The following PDE1C variants were observed in gnomAD, a reference collection of about 807,000 sequenced individuals.
PDE1C encodes phosphodiesterase 1C.
In PDE1C, 62 loss-of-function variants were observed where a neutral mutation model predicts 93.1. The ratio of observed to expected loss-of-function variants is 0.67; its 90% CI spans 0.54 to 0.82. PDE1C has a LOEUF of 0.82. Among genes scored for constraint, PDE1C ranks in the 40% least tolerant of loss-of-function variants. The probability of loss-of-function intolerance (pLI) is 0.00; values close to 1 mark genes in which losing one functional copy is unlikely to be tolerated. For synonymous variants in PDE1C, 325 were observed against 310.1 expected (o/e 1.05, Z -0.50); for missense variants, 742 against 884.6 (o/e 0.84, Z 2.04).
At chr7:32,270,522 G>T (rs559169793) in intron 1 of PDE1C, among the ~76,000 whole-genome samples, 4 of 152,276 alleles carry the variant, frequency 2.6e-5, no homozygotes, top group African/African-American at 9.6e-5. Context: ...CGTTAGAAAA[G>T]GAGGTTGGTT....
chr7:31,681,026 G>T, the PDE1C span, among the ~76,000 whole-genome samples: 1 of 152,176 alleles, frequency 6.6e-6, no homozygotes. Flanking sequence ...CACTTAACGT[G>T]ATTCACTTAC....
chr7:31,932,716 T>G (rs921558814), intron 2 of PDE1C, among the ~76,000 whole-genome samples: 2 of 152,156 alleles, frequency 1.3e-5, no homozygotes, highest in Non-Finnish European at 2.9e-5. Context: ...CATTACTGGG[T>G]ATATGCCCAA....
chr7:32,183,095 G>A (rs1803558603), intron 2 of PDE1C, among the ~76,000 whole-genome samples: 1 of 152,074 alleles, frequency 6.6e-6, no homozygotes, highest in Admixed American at 6.6e-5. Context: ...ACTTATAAGG[G>A]ACATGAAGGA....
the PDE1C span, among the ~76,000 whole-genome samples, chr7:31,728,809 T>C: frequency 2.6e-3 from 398 of 152,304 alleles, 2 homozygotes; most frequent in African/African-American, 9.2e-3. Context: ...GAGGTGACAT[T>C]TGAGCTTTGT....
intron 3 of PDE1C, among the ~76,000 whole-genome samples, chr7:32,111,035 T>G (rs1798610506): frequency 6.6e-6 from 1 of 152,042 alleles, no homozygotes; most frequent in Non-Finnish European, 1.5e-5. Context: ...GGAAGAGGGT[T>G]TCACATAAAC....
At chr7:32,234,852 A>G (rs894739133) in intron 1 of PDE1C, among the ~76,000 whole-genome samples, 1 of 152,016 alleles carries the variant, frequency 6.6e-6, no homozygotes, top group South Asian at 2.1e-4. Context: ...TTTCATGTAC[A>G]TAGATGTAAA....
chr7:31,623,220 T>A, the PDE1C span, among the ~76,000 whole-genome samples: 2 of 152,088 alleles, frequency 1.3e-5, no homozygotes, highest in South Asian at 4.2e-4. Context: ...TTCCAATCAA[T>A]AGAAAAAGAG....
chr7:31,697,685 G>C, the PDE1C span, among the ~76,000 whole-genome samples: 2 of 152,186 alleles, frequency 1.3e-5, no homozygotes, highest in Non-Finnish European at 2.9e-5. Context: ...TTCATGGCTA[G>C]AGTATGACTC....
chr7:32,336,502 C>G (rs10256050), intron 1 of PDE1C, among the ~76,000 whole-genome samples: 1 of 152,028 alleles, frequency 6.6e-6, no homozygotes, highest in Admixed American at 6.5e-5. Context: ...AATCTTACTA[C>G]AATTGACATG....
chr7:31,811,577 C>G (rs903143572), intron 15 of PDE1C, among the ~76,000 whole-genome samples: 2 of 152,114 alleles, frequency 1.3e-5, no homozygotes, highest in Non-Finnish European at 2.9e-5. Flanking sequence ...ATCTTGAGCA[C>G]TGTAGTCAAA....
intron 2 of PDE1C, among the ~76,000 whole-genome samples, chr7:31,882,082 G>A (rs1238584498): frequency 2.0e-5 from 3 of 152,052 alleles, no homozygotes; most frequent in African/African-American, 7.2e-5. Context: ...AATAAAGAAT[G>A]AGAAAAAATC....
intron 17 of PDE1C, among the ~76,000 whole-genome samples, chr7:31,762,130 T>G (rs1406711661): frequency 6.6e-6 from 1 of 152,206 alleles, no homozygotes; most frequent in Non-Finnish European, 1.5e-5. Flanking sequence ...GGGAATTTAT[T>G]TGCCTCTCTA....
intron 2 of PDE1C, among the ~76,000 whole-genome samples, chr7:31,943,098 G>A (rs1202651252): frequency 1.3e-5 from 2 of 152,130 alleles, no homozygotes; most frequent in Admixed American, 6.5e-5. Flanking sequence ...CCCCATACTA[G>A]GGGTACCTCC....
At chr7:32,332,501 A>C (rs1417081452) in intron 1 of PDE1C, among the ~76,000 whole-genome samples, 1 of 152,080 alleles carries the variant, frequency 6.6e-6, no homozygotes, top group Non-Finnish European at 1.5e-5. Context: ...CTAAATATAC[A>C]CACACCATAT....
rs550285320 is a variant in PDE1C at position 32,121,773 on chromosome 7, A to C, written c.308+48012T>G. Among the ~76,000 whole-genome samples the C allele has an allele frequency of 2.0e-4, 30 of 152,320 alleles. No homozygotes were observed. In the East Asian group the frequency reaches 5.6e-3, roughly 28 times the overall value. On this transcript the variant is annotated intron_variant, in intron 3 of 18. Transcript: ENST00000396193. ...TACCAGACACTGCAAAAACACACCA[A>C]AATATAAAGACCAATGACACTATGA...
chr7:32,018,292 C>A (rs539899549), intron 2 of PDE1C, among the ~76,000 whole-genome samples: 1 of 152,006 alleles, frequency 6.6e-6, no homozygotes, highest in East Asian at 1.9e-4. Context: ...TACCACATGA[C>A]CCAGTAATTT....
the PDE1C span, among the ~76,000 whole-genome samples, chr7:31,622,714 A>G: frequency 1.3e-5 from 2 of 152,180 alleles, no homozygotes; most frequent in Non-Finnish European, 2.9e-5. Flanking sequence ...AATCAAGAGC[A>G]AACACATTCA....
chr7:31,944,465 T>C (rs73686840), intron 2 of PDE1C, among the ~76,000 whole-genome samples: 6,394 of 152,222 alleles, frequency 0.042, 259 homozygotes, highest in African/African-American at 0.11. Context: ...CGGTTAGTAA[T>C]TGGCCCACCA....
At chr7:31,747,598 G>C (rs980706265), downstream of PDE1C, among the ~76,000 whole-genome samples, 2 of 152,080 alleles carry the variant, frequency 1.3e-5, no homozygotes, top group Non-Finnish European at 2.9e-5. Context: ...CTGACACAAG[G>C]CTGGCCTACA....
Sources: allele counts gnomAD v4.1 joint callset (sites outside exome capture counted in the v4.1 genomes callset), GRCh38; gene constraint gnomAD v4.1.1; transcripts MANE v1.5; gene names NCBI Gene and HGNC (gene_info 2026-07-23, HGNC 2026-07-21).